GPC5: variants seen among roughly 807,000 people sequenced by gnomAD.
GPC5 encodes the protein glypican-5.
In GPC5, 47 loss-of-function variants were observed where a neutral mutation model predicts 53.9. The observed-to-expected ratio is 0.87, with a 90% confidence interval of 0.69 to 1.11. GPC5 has a LOEUF of 1.11. Ranked by LOEUF, GPC5 falls within the 50% of genes most tolerant of loss-of-function variation. The pLI, the probability that GPC5 is intolerant of heterozygous loss-of-function variation, is 0.00. For synonymous variants in GPC5, 286 were observed against 263.3 expected (o/e 1.09, Z -0.84); for missense variants, 748 against 713.1 (o/e 1.05, Z -0.56).
chr13:92,754,804 A>G (rs1487335044), intron 7 of GPC5, among the ~76,000 whole-genome samples: 1 of 149,688 alleles, frequency 6.7e-6, no homozygotes, highest in Non-Finnish European at 1.5e-5. Context: ...TATGCACCCA[A>G]TACAGGAGCA....
chr13:91,444,038 C>T (rs1880619888), intron 1 of GPC5, among the ~76,000 whole-genome samples: 1 of 152,006 alleles, frequency 6.6e-6, no homozygotes, highest in Non-Finnish European at 1.5e-5. Context: ...TCTTCAGGGG[C>T]TTACATGATC....
At chr13:91,915,141 G>A (rs2039646367) in intron 6 of GPC5, among the ~76,000 whole-genome samples, 1 of 152,128 alleles carries the variant, frequency 6.6e-6, no homozygotes, top group Admixed American at 6.5e-5. Flanking sequence ...GAAACGAACA[G>A]TTCTTGATTT....
chr13:91,454,959 T>C (rs1209274012), intron 2 of GPC5, among the ~76,000 whole-genome samples: 1 of 152,116 alleles, frequency 6.6e-6, no homozygotes, highest in Non-Finnish European at 1.5e-5. Flanking sequence ...TCTTGAACGC[T>C]ACTTATGTGT....
chr13:92,299,864 A>G (rs940878359), intron 7 of GPC5, among the ~76,000 whole-genome samples: 5 of 152,188 alleles, frequency 3.3e-5, no homozygotes, highest in African/African-American at 1.2e-4. Context: ...TTGTTAGTGT[A>G]TGATTATATT....
At chr13:92,445,985 T>C (rs1243168635) in intron 7 of GPC5, among the ~76,000 whole-genome samples, 1 of 152,070 alleles carries the variant, frequency 6.6e-6, no homozygotes, top group Non-Finnish European at 1.5e-5. Context: ...AGTAGGTATA[T>C]ATGTTTATTG....
chr13:92,853,762 A>G (rs563695693), intron 7 of GPC5, among the ~76,000 whole-genome samples: 4 of 152,306 alleles, frequency 2.6e-5, no homozygotes, highest in South Asian at 4.1e-4. Context: ...ACAACAGAGA[A>G]AATGAAATAA....
intron 7 of GPC5, among the ~76,000 whole-genome samples, chr13:92,797,063 T>G (rs1876710921): frequency 6.6e-6 from 1 of 151,930 alleles, no homozygotes; most frequent in African/African-American, 2.4e-5. Context: ...AGCTAACCCG[T>G]ACGGTGCAAC....
chr13:91,945,659 G>A (rs1474543050), intron 6 of GPC5, among the ~76,000 whole-genome samples: 1 of 152,130 alleles, frequency 6.6e-6, no homozygotes, highest in East Asian at 1.9e-4. Context: ...ATGTGCCCTA[G>A]CCTGGTAGCT....
chr13:92,488,253 A>G (rs1305261477), intron 7 of GPC5, among the ~76,000 whole-genome samples: 1 of 152,206 alleles, frequency 6.6e-6, no homozygotes, highest in African/African-American at 2.4e-5. Flanking sequence ...CTTACTAAAC[A>G]GTCCAAAATC....
chr13:92,019,915 A>C (rs2040742576), intron 6 of GPC5, among the ~76,000 whole-genome samples: 1 of 152,142 alleles, frequency 6.6e-6, no homozygotes, highest in South Asian at 2.1e-4. Flanking sequence ...GGCTTAAAAC[A>C]ACAAATTATT....
At chr13:92,514,527 G>T (rs115288468) in intron 7 of GPC5, among the ~76,000 whole-genome samples, 1,651 of 152,176 alleles carry the variant, frequency 0.011, 31 homozygotes, top group African/African-American at 0.037. Flanking sequence ...AACATATGGG[G>T]TAGGCACTGT....
intron 7 of GPC5, among the ~76,000 whole-genome samples, chr13:92,406,563 G>A (rs182519824): frequency 3.3e-5 from 5 of 152,082 alleles, no homozygotes; most frequent in African/African-American, 1.2e-4. Flanking sequence ...ATTGTGTGGG[G>A]GTCATTAGGA....
Position 92,147,024 on chromosome 13 carries a change from C to T in GPC5, c.1561+2035C>T, listed in dbSNP as rs148876182. 7.0e-3 allele frequency among the ~76,000 whole-genome samples: 1,058 copies of T among 151,990 alleles called. 10 individuals are homozygous for T. Among genetic ancestry groups the T allele is most frequent in the African/African-American group, 0.024 (1,010 of 41,492 alleles). ...AATTGTATATTGATAAATGACGTGACGTGAAGCCAGGATGAGTAAGTACTA... is the reference window on the plus strand; with the variant it reads ...AATTGTATATTGATAAATGACGTGATGTGAAGCCAGGATGAGTAAGTACTA... On this transcript the variant is annotated intron_variant, in intron 7 of 7. Transcript: ENST00000377067.
intron 6 of GPC5, among the ~76,000 whole-genome samples, chr13:91,970,648 C>A (rs2040232984): frequency 6.6e-6 from 1 of 151,924 alleles, no homozygotes; most frequent in Admixed American, 6.6e-5. Context: ...ACATCAATAC[C>A]TAATTTATTG....
chr13:91,771,401 T>G (rs2037622707), intron 5 of GPC5, among the ~76,000 whole-genome samples: 1 of 152,178 alleles, frequency 6.6e-6, no homozygotes, highest in Non-Finnish European at 1.5e-5. Context: ...CTGGGCAACA[T>G]GTATCAATAT....
intron 4 of GPC5, among the ~76,000 whole-genome samples, chr13:91,740,969 G>A (rs1440073938): frequency 6.6e-6 from 1 of 152,124 alleles, no homozygotes; most frequent in Non-Finnish European, 1.5e-5. Context: ...AATTAAGATG[G>A]AGTCTCAACA....
chr13:91,412,248 C>T (rs764358370), intron 1 of GPC5, among the ~76,000 whole-genome samples: 4 of 152,248 alleles, frequency 2.6e-5, no homozygotes, highest in Non-Finnish European at 4.4e-5. Context: ...AGTGCCTTTT[C>T]GTGGCTGAAT....
At chr13:91,635,592 TTATTA>T (rs1201405505) in intron 2 of GPC5, among the ~76,000 whole-genome samples, 2 of 152,124 alleles carry the variant, frequency 1.3e-5, no homozygotes, top group East Asian at 1.9e-4. Context: ...AATGTCTTTA[TTATTA>T]TATTATGTTA....
At chr13:92,754,086 C>T (rs1279528804) in intron 7 of GPC5, among the ~76,000 whole-genome samples, 1 of 152,164 alleles carries the variant, frequency 6.6e-6, no homozygotes. Context: ...AGAGAAAGGT[C>T]GGGTTAACCT....
Sources: allele counts gnomAD v4.1 joint callset (sites outside exome capture counted in the v4.1 genomes callset), GRCh38; gene constraint gnomAD v4.1.1; transcripts MANE v1.5; gene names NCBI Gene and HGNC (gene_info 2026-07-23, HGNC 2026-07-21).